The following IL1RAPL2 variants were observed in gnomAD, a reference collection of about 807,000 sequenced individuals.
IL1RAPL2 encodes the protein interleukin 1 receptor accessory protein like 2, also known as X-linked interleukin-1 receptor accessory protein-like 2.
In IL1RAPL2, 3 loss-of-function variants were observed where a neutral mutation model predicts 44.1. That is an observed-to-expected ratio of 0.07 (90% confidence interval 0.03 to 0.18). IL1RAPL2 has a LOEUF of 0.18. Ranked by LOEUF, IL1RAPL2 falls within the 10% of genes least tolerant of loss-of-function variation. The probability of loss-of-function intolerance (pLI) is 1.00; values close to 1 mark genes in which losing one functional copy is unlikely to be tolerated. For missense variants in IL1RAPL2, 391 were observed against 496.4 expected (o/e 0.79, Z 2.02); for synonymous variants, 181 against 178.8 (o/e 1.01, Z -0.10).
intron 6 of IL1RAPL2, among the ~76,000 whole-genome samples, chrX:105,610,544 A>G (rs533784995): frequency 8.9e-6 from 1 of 111,878 alleles, no homozygotes; most frequent in South Asian, 3.8e-4. Flanking sequence ...TGTTTTGTAT[A>G]TAAGTCATGC....
chrX:104,574,003 A>G (rs1007497526), intron 1 of IL1RAPL2, among the ~76,000 whole-genome samples: 1 of 111,786 alleles, frequency 8.9e-6, no homozygotes, highest in Non-Finnish European at 1.9e-5. Context: ...AAAAAACTAT[A>G]AAGACACTCA....
At chrX:104,667,208 T>C (rs760387622) in intron 2 of IL1RAPL2, among the ~76,000 whole-genome samples, 7 of 111,563 alleles carry the variant, frequency 6.3e-5, no homozygotes, top group Non-Finnish European at 1.3e-4. Context: ...CATCTCTACT[T>C]TGTGGAGAAA....
intron 6 of IL1RAPL2, among the ~76,000 whole-genome samples, chrX:105,681,178 G>GA (rs1164395513): frequency 5.4e-5 from 6 of 111,311 alleles, no homozygotes; most frequent in Non-Finnish European, 1.1e-4. Context: ...TGCTTTTGGG[G>GA]AGAGGGGTTC....
chrX:104,676,520 G>C (rs754915337), intron 2 of IL1RAPL2, among the ~76,000 whole-genome samples: 25 of 111,683 alleles, frequency 2.2e-4, no homozygotes, highest in Middle Eastern at 4.6e-3. Context: ...TTTCTCTCTG[G>C]CTGCCCTTAA....
intron 6 of IL1RAPL2, among the ~76,000 whole-genome samples, chrX:105,558,807 T>C (rs1177569950): frequency 8.9e-6 from 1 of 112,409 alleles, no homozygotes; most frequent in East Asian, 2.8e-4. Flanking sequence ...ATGAGATTTG[T>C]GTATTAGTGA....
intron 6 of IL1RAPL2, among the ~76,000 whole-genome samples, chrX:105,599,353 T>C (rs1298517765): frequency 9.0e-6 from 1 of 111,498 alleles, no homozygotes; most frequent in African/African-American, 3.3e-5. Flanking sequence ...TTAAATTGCA[T>C]AGAAACTCAA....
At chrX:104,725,746 G>A (rs1327316988) in intron 2 of IL1RAPL2, among the ~76,000 whole-genome samples, 2 of 111,441 alleles carry the variant, frequency 1.8e-5, no homozygotes, top group Non-Finnish European at 1.9e-5. Context: ...TTTTTTTCTT[G>A]TAAATGTATT....
intron 2 of IL1RAPL2, among the ~76,000 whole-genome samples, chrX:104,936,825 C>T (rs1340529090): frequency 9.1e-6 from 1 of 110,351 alleles, no homozygotes; most frequent in East Asian, 2.9e-4. Flanking sequence ...CCAGAATGGT[C>T]TCGATCTCCT....
At chrX:105,201,972 G>A (rs1296819014) in intron 3 of IL1RAPL2, among the ~76,000 whole-genome samples, 1 of 111,828 alleles carries the variant, frequency 8.9e-6, no homozygotes, top group African/African-American at 3.2e-5. Context: ...TTGGTTATAA[G>A]CAGGGGTCTC....
chrX:105,544,748 T>C (rs1446567157), intron 6 of IL1RAPL2, among the ~76,000 whole-genome samples: 2 of 112,000 alleles, frequency 1.8e-5, no homozygotes, highest in Non-Finnish European at 3.8e-5. Context: ...TACTGTTTTT[T>C]TATATGTCTC....
chrX:104,870,413 G>A (rs1039614850), intron 2 of IL1RAPL2, among the ~76,000 whole-genome samples: 4 of 112,596 alleles, frequency 3.6e-5, no homozygotes, highest in Non-Finnish European at 7.5e-5. Flanking sequence ...TGTATTGAGT[G>A]CTTACTATGT....
At chrX:105,158,315 C>T (rs779285736) in intron 2 of IL1RAPL2, among the ~76,000 whole-genome samples, 12 of 110,640 alleles carry the variant, frequency 1.1e-4, no homozygotes, top group East Asian at 5.8e-4. Context: ...GCCGAGATCG[C>T]GCCACTGCAC....
chrX:104,721,913 G>A (rs935373669), intron 2 of IL1RAPL2, among the ~76,000 whole-genome samples: 1 of 111,421 alleles, frequency 9.0e-6, no homozygotes, highest in African/African-American at 3.3e-5. Flanking sequence ...AGGAATTGGA[G>A]TGTACTTTCA....
At chrX:105,277,621 T>C (rs764214630) in intron 5 of IL1RAPL2, among the ~76,000 whole-genome samples, 1 of 111,744 alleles carries the variant, frequency 8.9e-6, no homozygotes, top group South Asian at 3.8e-4. Flanking sequence ...CCAAAAATGC[T>C]TCTCTTCTCA....
At chrX:105,743,919 C>A (rs1446551806) in intron 8 of IL1RAPL2, among the ~76,000 whole-genome samples, 2 of 111,644 alleles carry the variant, frequency 1.8e-5, no homozygotes, top group Non-Finnish European at 3.8e-5. Context: ...GTTTACTTTC[C>A]AGGGTTCGCA....
chrX:105,578,037 C>G (rs2037063354), intron 6 of IL1RAPL2, among the ~76,000 whole-genome samples: 1 of 79,972 alleles, frequency 1.3e-5, no homozygotes, highest in African/African-American at 4.7e-5. Flanking sequence ...TCCCCTCCCC[C>G]CACCCCACAA....
At chrX:104,709,022 T>C (rs1931407633) in intron 2 of IL1RAPL2, among the ~76,000 whole-genome samples, 1 of 111,428 alleles carries the variant, frequency 9.0e-6, no homozygotes, top group Non-Finnish European at 1.9e-5. Context: ...TCAGATTAAA[T>C]GTATGCAATG....
At chrX:105,751,286 A>G (rs2147586003) in intron 9 of IL1RAPL2, among the ~76,000 whole-genome samples, 1 of 110,901 alleles carries the variant, frequency 9.0e-6, no homozygotes, top group African/African-American at 3.3e-5. Flanking sequence ...AAAAGAAAAA[A>G]GAATAAAATA....
intron 6 of IL1RAPL2, among the ~76,000 whole-genome samples, chrX:105,632,700 T>G (rs2037499460): frequency 1.8e-5 from 2 of 111,748 alleles, no homozygotes; most frequent in East Asian, 2.8e-4. Flanking sequence ...CTGTGGGCTC[T>G]TCTACCCTTT....
Sources: allele counts gnomAD v4.1 joint callset (sites outside exome capture counted in the v4.1 genomes callset), GRCh38; gene constraint gnomAD v4.1.1; transcripts MANE v1.5; gene names NCBI Gene and HGNC (gene_info 2026-07-23, HGNC 2026-07-21).